The following LOC730098 variants were observed in gnomAD, a reference collection of about 807,000 sequenced individuals.
chr9:34,665,595 G>C, the LOC730098 span: 1 of 668,440 alleles, frequency 1.5e-6, no homozygotes, highest in South Asian at 1.5e-5. Flanking sequence ...CTCCTCCGCA[G>C]AACCCGCCTC....
chr9:34,665,579 T>A, the LOC730098 span: 1 of 480,610 alleles, frequency 2.1e-6, no homozygotes, highest in South Asian at 1.6e-5. Context: ...CGGAGCCGCC[T>A]GGTTCCTCCT....
chr9:34,665,821 T>TGG, the LOC730098 span: 1 of 611,194 alleles, frequency 1.6e-6, no homozygotes, highest in South Asian at 1.9e-5. Context: ...CGGGACAGGG[T>TGG]GGGCTTGGAG....
At chr9:34,665,988 G>A in the LOC730098 span, 27 of 431,214 alleles carry the variant, frequency 6.3e-5, no homozygotes, top group South Asian at 5.0e-4. Context: ...CTGGAGGGGG[G>A]GCTGAGAGGG....
chr9:34,666,008 G>A, the LOC730098 span: 2 of 367,788 alleles, frequency 5.4e-6, no homozygotes, highest in East Asian at 5.7e-5. Context: ...GGTCAGCGCA[G>A]CCTAAACTCC....
At chr9:34,665,957 A>G in the LOC730098 span, 8 of 476,214 alleles carry the variant, frequency 1.7e-5, no homozygotes, top group Non-Finnish European at 3.0e-5. Flanking sequence ...CTGGGTGAGG[A>G]TTTTCAGGGG....
chr9:34,666,013 A>C, the LOC730098 span: 6 of 336,824 alleles, frequency 1.8e-5, no homozygotes, highest in Admixed American at 4.6e-5. Context: ...GCGCAGCCTA[A>C]ACTCCCGCCC....
chr9:34,665,550 A>AACC, the LOC730098 span: 4 of 687,568 alleles, frequency 5.8e-6, no homozygotes, highest in Non-Finnish European at 7.9e-6. Context: ...CCCCCGCAGA[A>AACC]CTCCACCCTC....
At chr9:34,664,675 C>T in the LOC730098 span, 135,921 of 182,430 alleles carry the variant, frequency 0.75, 50,790 homozygotes, top group East Asian at 0.85. Context: ...CCCCCTCTTA[C>T]CATTTACAGC....
At chr9:34,665,617 C>T in the LOC730098 span, 2 of 701,304 alleles carry the variant, frequency 2.9e-6, no homozygotes, top group East Asian at 2.7e-5. Context: ...ACTCACTCCT[C>T]CTCCGCCTCC....
At chr9:34,665,883 C>T in the LOC730098 span, 1 of 587,692 alleles carries the variant, frequency 1.7e-6, no homozygotes, top group Non-Finnish European at 3.0e-6. Context: ...ATCTCCGGGG[C>T]CTGGGGCATT....
At chr9:34,665,771 A>ATCTGAGGC in the LOC730098 span, 3 of 662,612 alleles carry the variant, frequency 4.5e-6, no homozygotes, top group East Asian at 5.4e-5. Flanking sequence ...TTCTCAGGTA[A>ATCTGAGGC]TCTGAGGCTG....
the LOC730098 span, chr9:34,665,516 G>C: frequency 2.9e-6 from 2 of 699,094 alleles, no homozygotes; most frequent in Non-Finnish European, 5.2e-6. Flanking sequence ...ACGCCCCTGG[G>C]AGGCTCGCCC....
chr9:34,666,043 A>T, the LOC730098 span: 1 of 312,486 alleles, frequency 3.2e-6, no homozygotes, highest in African/African-American at 2.2e-5. Context: ...CCACCCCGGA[A>T]ACGGACCGTT....
the LOC730098 span, chr9:34,665,513 T>TG: frequency 1.4e-6 from 1 of 698,322 alleles, no homozygotes. Flanking sequence ...CCCACGCCCC[T>TG]GGGAGGCTCG....
chr9:34,665,188 G>A, the LOC730098 span: 14 of 645,124 alleles, frequency 2.2e-5, no homozygotes, highest in Non-Finnish European at 2.8e-5. Flanking sequence ...GGGGTGCGCC[G>A]AGCTGTGGGG....
chr9:34,665,185 G>A, the LOC730098 span: 3 of 643,142 alleles, frequency 4.7e-6, no homozygotes, highest in East Asian at 5.4e-5. Flanking sequence ...CCCGGGGTGC[G>A]CCGAGCTGTG....
chr9:34,665,100 C>T, the LOC730098 span: 1 of 600,260 alleles, frequency 1.7e-6, no homozygotes, highest in South Asian at 2.0e-5. Context: ...AGCCACGACC[C>T]GAGCGCTGGG....
chr9:34,665,450 GC>G, the LOC730098 span: 3 of 690,314 alleles, frequency 4.3e-6, no homozygotes, highest in Non-Finnish European at 7.9e-6. Flanking sequence ...GCCCCGCGGT[GC>G]CTCGCCGTCG....
At chr9:34,665,305 C>T in the LOC730098 span, 12 of 702,196 alleles carry the variant, frequency 1.7e-5, no homozygotes, top group Non-Finnish European at 2.9e-5. Flanking sequence ...GGTATCGCAG[C>T]CTCCTCACCT....
Sources: gnomAD v4.1 joint callset for allele counts on GRCh38, gnomAD v4.1.1 for gene constraint, MANE v1.5 for transcripts.